The following GRAMD2B variants were observed in gnomAD, a reference collection of about 807,000 sequenced individuals.
GRAMD2B encodes the protein GRAM domain containing 2B.
Under a neutral mutation model 59.2 loss-of-function variants are expected in GRAMD2B, and 41 were observed. The observed-to-expected ratio is 0.69, with a 90% confidence interval of 0.54 to 0.90. The LOEUF is 0.90. Ranked by LOEUF, GRAMD2B falls within the 40% of genes least tolerant of loss-of-function variation. GRAMD2B has a pLI of 0.00. For missense variants in GRAMD2B, 424 were observed against 500.5 expected, an observed-to-expected ratio of 0.85 and a Z score of 1.46; for synonymous variants, 161 against 182.7, an observed-to-expected ratio of 0.88 and a Z score of 0.96.
intron 4 of GRAMD2B, 85 bp from the exon 5 acceptor site, chr5:126,473,180 C>A: frequency 2.2e-6 from 1 of 462,926 alleles, no homozygotes; most frequent in South Asian, 7.1e-5. Context: ...TATCTCTGCC[C>A]ATCCTTGAGT....
intron 1 of GRAMD2B, among the ~76,000 whole-genome samples, chr5:126,411,564 C>T (rs1296438010): frequency 6.6e-6 from 1 of 151,870 alleles, no homozygotes. Flanking sequence ...TCTTTTTGCT[C>T]ACAATTCCCT....
At chr5:126,446,501 CTAA>C (rs956726935) in intron 1 of GRAMD2B, among the ~76,000 whole-genome samples, 39 of 151,682 alleles carry the variant, frequency 2.6e-4, no homozygotes, top group Non-Finnish European at 5.4e-4. Flanking sequence ...CTGAGTGTTT[CTAA>C]TAAAATCCAG....
chr5:126,456,405 G>A (rs1007245808), intron 1 of GRAMD2B, among the ~76,000 whole-genome samples: 2 of 151,868 alleles, frequency 1.3e-5, no homozygotes, highest in Non-Finnish European at 2.9e-5. Flanking sequence ...GTAGAGATGG[G>A]GTCTCCCTAT....
chr5:126,474,023 G>T (rs1396844347), intron 5 of GRAMD2B, among the ~76,000 whole-genome samples: 8 of 152,158 alleles, frequency 5.3e-5, no homozygotes, highest in Non-Finnish European at 8.8e-5. Flanking sequence ...AAAGGAATTG[G>T]CACTGCCCTC....
intron 1 of GRAMD2B, among the ~76,000 whole-genome samples, chr5:126,395,377 C>A (rs1198921314): frequency 6.6e-6 from 1 of 152,082 alleles, no homozygotes; most frequent in Non-Finnish European, 1.5e-5. Flanking sequence ...AGCCTGAAGT[C>A]CCCGGCTGGT....
chr5:126,393,683 G>A (rs372961407), intron 1 of GRAMD2B, among the ~76,000 whole-genome samples: 192 of 152,176 alleles, frequency 1.3e-3, no homozygotes, highest in Non-Finnish European at 2.1e-3. Context: ...CCAGCCCCAA[G>A]ATAACAATTA....
rs371583423 is a variant in GRAMD2B, at chr5:126,432,768, G to A, written c.83+9079G>A. On this transcript the variant is annotated intron_variant, in intron 1 of 13. Coordinates refer to ENST00000285689, the MANE Select transcript of GRAMD2B (RefSeq NM_023927.4). ...TATAAAGTTGGACTTGTTTTGATGT[G>A]AAGTTGGTAGATTTCTTAGGTATGT... is the stretch of plus-strand genomic sequence containing the variant. 1.6e-4 allele frequency among the ~76,000 whole-genome samples: 24 copies of A among 152,298 alleles called. No individual in the cohort carries two copies. In the South Asian group the frequency reaches 4.8e-3, roughly 30 times the overall value.
intron 1 of GRAMD2B, among the ~76,000 whole-genome samples, chr5:126,450,644 C>A (rs1477958987): frequency 3.8e-5 from 5 of 130,552 alleles, no homozygotes; most frequent in South Asian, 2.8e-4. Context: ...GTCCATCCAG[C>A]CTGCTGTTAA....
intron 9 of GRAMD2B, 63 bp downstream of exon 9, chr5:126,483,637 C>A (rs1772301068): frequency 1.3e-6 from 1 of 775,940 alleles, no homozygotes; most frequent in Non-Finnish European, 2.1e-6. Context: ...TCACCCCACC[C>A]CCTTAAAAAA....
upstream of GRAMD2B, among the ~76,000 whole-genome samples, chr5:126,369,219 A>G (rs151282693): frequency 6.6e-6 from 1 of 152,334 alleles, no homozygotes; most frequent in African/African-American, 2.4e-5. Context: ...AAGTCATACC[A>G]GTCTCAATTG....
At chr5:126,400,072 G>T (rs1417904761) in intron 1 of GRAMD2B, among the ~76,000 whole-genome samples, 11 of 143,728 alleles carry the variant, frequency 7.7e-5, no homozygotes, top group Non-Finnish European at 1.7e-4. Context: ...TTTTTTTTTT[G>T]ATAGCGGTAT....
At chr5:126,477,017 G>A (rs1374106276) in intron 5 of GRAMD2B, among the ~76,000 whole-genome samples, 1 of 152,200 alleles carries the variant, frequency 6.6e-6, no homozygotes, top group Non-Finnish European at 1.5e-5. Flanking sequence ...TATCCAAAAT[G>A]CTTGGGACCA....
intron 13 of GRAMD2B, among the ~76,000 whole-genome samples, chr5:126,492,635 C>A (rs1216930077): frequency 1.3e-5 from 2 of 152,078 alleles, no homozygotes; most frequent in Non-Finnish European, 2.9e-5. Context: ...GTGGGAGGAT[C>A]ACTTGAGCCC....
Position 126,486,956 on chromosome 5 carries a change from T to G in GRAMD2B, c.1142T>G (p.Ile381Ser). 6.3e-7 allele frequency: 1 copy of G among 1,599,432 alleles called. No individual in the cohort carries two copies. The highest frequency in any genetic ancestry group is 2.2e-5 in the East Asian group (1 of 44,748). Residue 381 changes from isoleucine (I) to serine (S), a missense_variant, in exon 12 of 14, where the codon ATT (isoleucine) becomes AGT (serine). Coordinates refer to ENST00000285689, the MANE Select transcript of GRAMD2B (RefSeq NM_023927.4). ...LEEQLGLLTS[I>S]VDTHNTEQAA... ...GAGCAGCTGGGGTTACTAACCTCCATTGTGGACACCCATAATACTGAGTAA... is the reference window on the plus strand; with the variant it reads ...GAGCAGCTGGGGTTACTAACCTCCAGTGTGGACACCCATAATACTGAGTAA...
At chr5:126,391,279 C>T (rs1371220321) in intron 1 of GRAMD2B, among the ~76,000 whole-genome samples, 1 of 130,934 alleles carries the variant, frequency 7.6e-6, no homozygotes, top group Non-Finnish European at 1.6e-5. Context: ...AGGATTGTGC[C>T]ACTGCACTCC....
chr5:126,394,507 T>G (rs1393233182), intron 1 of GRAMD2B, among the ~76,000 whole-genome samples: 1 of 152,184 alleles, frequency 6.6e-6, no homozygotes, highest in Non-Finnish European at 1.5e-5. Flanking sequence ...TGAGCCATAA[T>G]GAGCTGCCTG....
rs763390861 is a variant in GRAMD2B, at chr5:126,440,077, G to A, written c.83+16388G>A. Among the ~76,000 whole-genome samples, 9 of 151,942 alleles carry A rather than the reference G, an allele frequency of 5.9e-5. No homozygotes were observed. The South Asian group carries it at 1.9e-3, about 32-fold the overall frequency. ...GTTTCTTCAAAGCAGTATGAAAATG[G>A]ACTAATACAGTCAATTACCTTTCTT... is the stretch of plus-strand genomic sequence containing the variant. On this transcript the variant is annotated intron_variant, in intron 1 of 13. Transcript: ENST00000285689.
rs1193833205 is a variant in GRAMD2B, at chr5:126,494,073, A to C, written c.*1117A>C. 2 of 152,664 alleles carry C rather than the reference A, an allele frequency of 1.3e-5. No homozygotes were observed. The highest frequency in any genetic ancestry group is 4.8e-5 in the African/African-American group (2 of 41,456). The allele number at this position is 152,664 out of a possible 1,614,324, so 9.5% of individuals were successfully genotyped here. On this transcript the variant is annotated 3_prime_UTR_variant, in exon 14 of 14. Coordinates refer to ENST00000285689, the MANE Select transcript of GRAMD2B (RefSeq NM_023927.4). ...ATAAGCTAATAAGCGAATTGGTTAC[A>C]TCGTTTGTATCTGTTGGCCTAGTGG...
At chr5:126,491,165 TTG>T (rs1156699620) in intron 13 of GRAMD2B, among the ~76,000 whole-genome samples, 1 of 152,168 alleles carries the variant, frequency 6.6e-6, no homozygotes, top group African/African-American at 2.4e-5. Context: ...ATTTTGGGTT[TTG>T]TGTGTGTGTC....
Sources: allele counts gnomAD v4.1 joint callset (sites outside exome capture counted in the v4.1 genomes callset), GRCh38; gene constraint gnomAD v4.1.1; transcripts MANE v1.5; gene names NCBI Gene and HGNC (gene_info 2026-07-23, HGNC 2026-07-21).